Variants in DMGDH observed in about 807,000 individuals in gnomAD.
The protein encoded by DMGDH is dimethylglycine dehydrogenase.
DMGDH carries 76 observed loss-of-function variants against 95.2 expected under a neutral mutation model. The observed-to-expected ratio is 0.80, with a 90% CI of 0.66 to 0.97. The LOEUF (loss-of-function observed/expected upper bound fraction) is 0.97, where lower values mean the gene tolerates loss of function less well. DMGDH is among the 50% of genes least tolerant of loss of function. The probability of loss-of-function intolerance (pLI) is 0.00; values close to 1 mark genes in which losing one functional copy is unlikely to be tolerated. For missense variants in DMGDH, 987 were observed against 1,055.0 expected (o/e 0.94, Z 0.89); for synonymous variants, 345 against 377.6 (o/e 0.91, Z 1.00).
At chr5:79,051,128 G>A (rs1179713291) in intron 5 of DMGDH, among the ~76,000 whole-genome samples, 159 bp downstream of exon 5, 1 of 152,106 alleles carries the variant, frequency 6.6e-6, no homozygotes, top group Non-Finnish European at 1.5e-5. Flanking sequence ...AGAGCAAAGT[G>A]ATAGAGGGAG....
intron 6 of DMGDH, 41 bp from the exon 7 acceptor site, chr5:79,042,522 G>A: frequency 6.3e-7 from 1 of 1,594,996 alleles, no homozygotes. Context: ...CCGTAGCTGA[G>A]CTGACAAGTC....
chr5:78,997,893 A>G lies in DMGDH; in HGVS notation c.*189T>C, dbSNP rs1753386967. On this transcript the variant is annotated 3_prime_UTR_variant, in exon 16 of 16. Transcript: ENST00000255189. The stretch of plus-strand genomic sequence containing the variant: ...TTCTTCATTTAAAAGAACAATGTAA[A>G]TCATTTATCTATTATTCTGTCTTGC... 3 of 631,752 alleles carry G rather than the reference A, an allele frequency of 4.7e-6. No homozygotes were observed. The highest frequency in any genetic ancestry group is 8.2e-6 in the Non-Finnish European group (3 of 365,968). 39.1% of individuals were successfully genotyped at this position (631,752 alleles called of 1,614,324 possible).
At chr5:79,053,760 C>T (rs894643639) in intron 4 of DMGDH, among the ~76,000 whole-genome samples, 1 of 152,146 alleles carries the variant, frequency 6.6e-6, no homozygotes, top group Non-Finnish European at 1.5e-5. Context: ...CAGCTATAAG[C>T]TAGGTGATAT....
intron 5 of DMGDH, among the ~76,000 whole-genome samples, chr5:79,050,262 AAAAAAAAAAAAATATAT>A (rs1292055040): frequency 0.012 from 807 of 65,114 alleles, 7 homozygotes; most frequent in African/African-American, 0.037. Flanking sequence ...AAAAAAAAAA[AAAAAAAAAAAAATATAT>A]ATATATATAT....
chr5:79,048,099 G>C (rs943086035), intron 5 of DMGDH, among the ~76,000 whole-genome samples: 1 of 152,052 alleles, frequency 6.6e-6, no homozygotes, highest in Non-Finnish European at 1.5e-5. Context: ...CCCAGACTAC[G>C]GCATGGAATA....
chr5:79,024,244 C>T, intron 14 of DMGDH, 27 bp downstream of exon 14: 1 of 1,602,814 alleles, frequency 6.2e-7, no homozygotes, highest in Non-Finnish European at 8.5e-7. Flanking sequence ...AGATTTACTT[C>T]AAGCACACTT....
chr5:79,016,313 T>C (rs1753733668), intron 14 of DMGDH, among the ~76,000 whole-genome samples: 1 of 151,614 alleles, frequency 6.6e-6, no homozygotes, highest in Admixed American at 6.6e-5. Flanking sequence ...AGCTTTATTT[T>C]TATACAACAT....
At chr5:79,053,756 T>C (rs936245268) in intron 4 of DMGDH, among the ~76,000 whole-genome samples, 2 of 152,232 alleles carry the variant, frequency 1.3e-5, no homozygotes, top group Non-Finnish European at 2.9e-5. Flanking sequence ...AGTACAGCTA[T>C]AAGCTAGGTG....
chr5:79,026,697 G>A, intron 12 of DMGDH, 116 bp from the exon 13 acceptor site: 2 of 1,452,314 alleles, frequency 1.4e-6, no homozygotes, highest in Non-Finnish European at 1.9e-6. Flanking sequence ...CACAGACATT[G>A]TCAGTCTCTA....
chr5:79,023,268 T>G (rs1159507161), intron 14 of DMGDH, among the ~76,000 whole-genome samples: 4 of 152,158 alleles, frequency 2.6e-5, no homozygotes, highest in Non-Finnish European at 5.9e-5. Context: ...GACATTTTAT[T>G]TTTGGAGTTC....
intron 14 of DMGDH, among the ~76,000 whole-genome samples, chr5:79,020,345 TCC>T: frequency 6.6e-6 from 1 of 152,352 alleles, no homozygotes. Flanking sequence ...ATTTTCTGCC[TCC>T]TCAATTCTTA....
intron 14 of DMGDH, chr5:79,021,167 T>G: frequency 1.0e-6 from 1 of 988,452 alleles, no homozygotes; most frequent in South Asian, 4.6e-5. Context: ...CAAGGCTTCC[T>G]GAAGTGGCTC....
intron 7 of DMGDH, among the ~76,000 whole-genome samples, chr5:79,036,271 G>A (rs1754345761): frequency 6.6e-6 from 1 of 152,154 alleles, no homozygotes; most frequent in Non-Finnish European, 1.5e-5. Context: ...AAAGTAGAAG[G>A]GAACTTAAAG....
chr5:79,030,647 CAAAAAAAAAAAAAA>C, intron 10 of DMGDH, 172 bp downstream of exon 10: 1 of 383,952 alleles, frequency 2.6e-6, no homozygotes, highest in Non-Finnish European at 4.4e-6. Context: ...CTCTGTCTCT[CAAAAAAAAAAAAAA>C]AAAAAGAAAA....
chr5:79,002,981 G>GA (rs938503507), intron 15 of DMGDH, among the ~76,000 whole-genome samples: 3 of 152,166 alleles, frequency 2.0e-5, no homozygotes, highest in Admixed American at 6.5e-5. Flanking sequence ...TAGGGCAAAG[G>GA]AAAAAACCTT....
intron 14 of DMGDH, among the ~76,000 whole-genome samples, chr5:79,012,800 G>T (rs921013799): frequency 6.6e-6 from 1 of 152,260 alleles, no homozygotes; most frequent in Admixed American, 6.5e-5. Flanking sequence ...AGCTGGAGCA[G>T]CTGGGATGCA....
chr5:79,020,763 G>A (rs879314015), intron 14 of DMGDH: 47 of 984,238 alleles, frequency 4.8e-5, no homozygotes, highest in Non-Finnish European at 5.5e-5. Context: ...GAAAGAGAGG[G>A]AGAAGGAGAG....
At chr5:79,053,949 T>C (rs1185283243) in intron 4 of DMGDH, among the ~76,000 whole-genome samples, 1 of 152,190 alleles carries the variant, frequency 6.6e-6, no homozygotes, top group Non-Finnish European at 1.5e-5. Context: ...ATTGAAAATG[T>C]TTAATCAATT....
At chr5:79,015,054 G>C (rs6859544) in intron 14 of DMGDH, among the ~76,000 whole-genome samples, 48,315 of 151,876 alleles carry the variant, frequency 0.32, 8,222 homozygotes, top group African/African-American at 0.44. Context: ...AGCCATACTT[G>C]CAGAGCTAAG....
Sources: allele counts gnomAD v4.1 joint callset (sites outside exome capture counted in the v4.1 genomes callset), GRCh38; gene constraint gnomAD v4.1.1; transcripts MANE v1.5; gene names NCBI Gene and HGNC (gene_info 2026-07-23, HGNC 2026-07-21).